The following MALT1 variants were observed in gnomAD, a reference collection of about 807,000 sequenced individuals.
MALT1 encodes the protein MALT1 paracaspase.
In MALT1, 36 loss-of-function variants were observed where a neutral mutation model predicts 85.5. That is an observed-to-expected ratio of 0.42 (90% CI 0.32 to 0.56). The LOEUF (loss-of-function observed/expected upper bound fraction) is 0.56. MALT1 is among the 20% of genes least tolerant of loss of function. The pLI, the probability that MALT1 is intolerant of heterozygous loss-of-function variation, is 0.10. For synonymous variants in MALT1, 359 were observed against 361.3 expected, an observed-to-expected ratio of 0.99 and a Z score of 0.07; for missense variants, 716 against 981.6, an observed-to-expected ratio of 0.73 and a Z score of 3.62.
At chr18:58,701,960 G>T (rs78949764) in intron 4 of MALT1, among the ~76,000 whole-genome samples, 1 of 151,990 alleles carries the variant, frequency 6.6e-6, no homozygotes, top group African/African-American at 2.4e-5. Flanking sequence ...AAGTAGAGAC[G>T]GAAATATTTC....
chr18:58,704,305 C>T (rs1255205463), intron 4 of MALT1, among the ~76,000 whole-genome samples: 1 of 152,184 alleles, frequency 6.6e-6, no homozygotes. Flanking sequence ...TATAAGATTT[C>T]AGGTTACTCG....
intron 4 of MALT1, among the ~76,000 whole-genome samples, chr18:58,704,122 T>C (rs958601800): frequency 6.6e-6 from 1 of 152,238 alleles, no homozygotes. Flanking sequence ...ATATTATGAA[T>C]AAAGCTACGA....
At position 58,698,079 on chromosome 18, in the gene MALT1, T is replaced by TGTTTTG. The variant is rs1456951942; in HGVS notation, c.498+1592_498+1593insGTTTTG. ...GTTGTTTTGTTTTGTTTTTTTGTTT[T>TGTTTTG]TTTTTTGAGATGGAGTCTCGCTCTG... is the stretch of plus-strand genomic sequence containing the variant. On this transcript the variant is annotated intron_variant, in intron 3 of 16. Coordinates refer to ENST00000649217, the MANE Select transcript of MALT1 (RefSeq NM_006785.4). Among the ~76,000 whole-genome samples the TGTTTTG allele has an allele frequency of 2.6e-4, 39 of 149,324 alleles. No individual in the cohort carries two copies. The East Asian group carries it at 7.0e-3, about 27-fold the overall frequency.
chr18:58,695,180 A>C (rs2054569577), intron 2 of MALT1, among the ~76,000 whole-genome samples: 1 of 152,174 alleles, frequency 6.6e-6, no homozygotes. Context: ...TAGAACTGTA[A>C]GTCTATTAAA....
intron 2 of MALT1, among the ~76,000 whole-genome samples, chr18:58,685,073 T>C (rs1462533733): frequency 6.6e-6 from 1 of 152,158 alleles, no homozygotes; most frequent in Non-Finnish European, 1.5e-5. Flanking sequence ...AAAAAATATA[T>C]ATATATAGTA....
At chr18:58,675,565 C>A (rs939423654) in intron 1 of MALT1, 4 of 152,270 alleles carry the variant, frequency 2.6e-5, no homozygotes, top group Admixed American at 1.3e-4. Context: ...TGAGCCTCAA[C>A]AATTATTATT....
chr18:58,691,472 G>A, intron 2 of MALT1: 1 of 275,612 alleles, frequency 3.6e-6, no homozygotes. Context: ...TGGTGTTACA[G>A]TAGAACACCA....
intron 14 of MALT1, among the ~76,000 whole-genome samples, chr18:58,743,843 C>T (rs1443628730): frequency 6.6e-6 from 1 of 152,052 alleles, no homozygotes; most frequent in Non-Finnish European, 1.5e-5. Flanking sequence ...ATATTCCATG[C>T]AAATTGAAAA....
At chr18:58,737,636 G>GC (rs1288482937) in intron 13 of MALT1, among the ~76,000 whole-genome samples, 1 of 152,186 alleles carries the variant, frequency 6.6e-6, no homozygotes, top group Admixed American at 6.5e-5. Context: ...AGGCTAGAGT[G>GC]CAGTGGCATG....
At chr18:58,738,789 CTGTGTGTGTGTGTG>C (rs35316552) in intron 13 of MALT1, among the ~76,000 whole-genome samples, 1 of 125,150 alleles carries the variant, frequency 8.0e-6, no homozygotes, top group African/African-American at 4.0e-5. Flanking sequence ...GTGCATTCTT[CTGTGTGTGTGTGTG>C]TGTGTGTGTT....
Position 58,696,406 on chromosome 18 carries a change from G to A in MALT1, c.417G>A (p.Leu139=). ...TAAACCCAGAGTCAAAGGCAGTCTT[G>A]GCTGGACAGTTTGTGAAACTGTGTT... ...ITVNPESKAV[L]AGQFVKLCCR... is the part of the protein sequence containing the mutation. The change falls in exon 3 of 17, where the codon TTG becomes TTA. Residue 139 remains leucine (L), a synonymous_variant. Coordinates refer to ENST00000649217, the MANE Select transcript of MALT1 (RefSeq NM_006785.4). 1 of 1,568,884 alleles carries A rather than the reference G, an allele frequency of 6.4e-7. No individual in the cohort carries two copies. Among genetic ancestry groups the A allele is most frequent in the Non-Finnish European group, 8.6e-7 (1 of 1,158,952 alleles).
At position 58,721,780 on chromosome 18, in the gene MALT1, G is replaced by GA. The variant is rs201487477; in HGVS notation, c.1019-1267dup. Among the ~76,000 whole-genome samples the GA allele has an allele frequency of 4.2e-3, 639 of 152,310 alleles. 7 individuals carry two copies. The highest frequency in any genetic ancestry group is 0.014 in the African/African-American group (591 of 41,562). On this transcript the variant is annotated intron_variant, in intron 9 of 16. Transcript: ENST00000649217. ...ATTGTAGACGTCGAGTCAGCAATGTGATTATTCATGCCTGTTTCAACTTCA... is the reference window on the plus strand; with the variant it reads ...ATTGTAGACGTCGAGTCAGCAATGTGAATTATTCATGCCTGTTTCAACTTCA...
At chr18:58,730,754 G>T (rs1481453176) in intron 10 of MALT1, among the ~76,000 whole-genome samples, 4 of 152,182 alleles carry the variant, frequency 2.6e-5, no homozygotes, top group African/African-American at 9.7e-5. Context: ...CACCAGAAAT[G>T]AATGAGGGTT....
At chr18:58,705,542 T>C (rs2054739024) in intron 4 of MALT1, among the ~76,000 whole-genome samples, 2 of 141,124 alleles carry the variant, frequency 1.4e-5, no homozygotes, top group South Asian at 4.7e-4. Flanking sequence ...ATCTCATTGT[T>C]CAATTCCCAC....
intron 15 of MALT1, among the ~76,000 whole-genome samples, 191 bp from the exon 16 acceptor site, chr18:58,745,475 T>C (rs1421034693): frequency 6.6e-6 from 1 of 152,212 alleles, no homozygotes; most frequent in African/African-American, 2.4e-5. Context: ...TAGTACAGAA[T>C]TGAGAATTCC....
intron 2 of MALT1, among the ~76,000 whole-genome samples, chr18:58,695,212 C>T (rs1416561596): frequency 6.6e-6 from 1 of 152,174 alleles, no homozygotes; most frequent in Non-Finnish European, 1.5e-5. Context: ...TGTAAATTGC[C>T]CAGTCGTGGG....
chr18:58,733,784 A>G (rs1024728882), intron 11 of MALT1: 12 of 782,682 alleles, frequency 1.5e-5, no homozygotes, highest in Admixed American at 3.6e-5. Flanking sequence ...ACACAAATGA[A>G]GAACTAAAGG....
intron 14 of MALT1, among the ~76,000 whole-genome samples, chr18:58,743,946 TA>T (rs1271794802): frequency 1.3e-5 from 2 of 151,872 alleles, no homozygotes; most frequent in Admixed American, 1.3e-4. Flanking sequence ...AGAAAAACAA[TA>T]AAACCCAGAG....
intron 2 of MALT1, 43 bp from the exon 3 acceptor site, chr18:58,696,323 C>G: frequency 7.5e-7 from 1 of 1,334,472 alleles, no homozygotes; most frequent in Non-Finnish European, 9.7e-7. Context: ...AGGAAAATCC[C>G]TCTTGTGACT....
Sources: allele counts gnomAD v4.1 joint callset (sites outside exome capture counted in the v4.1 genomes callset), GRCh38; gene constraint gnomAD v4.1.1; transcripts MANE v1.5; gene names NCBI Gene and HGNC (gene_info 2026-07-23, HGNC 2026-07-21).